PDE1A: variants seen among roughly 807,000 people sequenced by gnomAD.
The protein encoded by PDE1A is phosphodiesterase 1A.
A neutral mutation model predicts 61.7 loss-of-function variants in PDE1A; 35 were observed. The ratio of observed to expected loss-of-function variants is 0.57; its 90% CI spans 0.43 to 0.75. The LOEUF (loss-of-function observed/expected upper bound fraction) is 0.75. Ranked by LOEUF, PDE1A falls within the 30% of genes least tolerant of loss-of-function variation. The pLI, the probability that PDE1A is intolerant of heterozygous loss-of-function variation, is 0.00. For synonymous variants in PDE1A, 232 were observed against 213.2 expected, an observed-to-expected ratio of 1.09 and a Z score of -0.77; for missense variants, 597 against 630.6, an observed-to-expected ratio of 0.95 and a Z score of 0.57.
intron 1 of PDE1A, among the ~76,000 whole-genome samples, chr2:182,335,641 G>A (rs547589869): frequency 2.0e-5 from 3 of 152,214 alleles, no homozygotes; most frequent in South Asian, 2.1e-4. Flanking sequence ...AGACTTAAAC[G>A]TAAGACCTTA....
Position 182,170,694 on chromosome 2 carries a change from CTAAAT to C in PDE1A, c.1517-2409_1517-2405del, listed in dbSNP as rs1692127695. 2.6e-5 allele frequency among the ~76,000 whole-genome samples: 4 copies of C among 152,052 alleles called. No individual in the cohort carries two copies. The South Asian group carries it at 8.3e-4, about 32-fold the overall frequency. On this transcript the variant is annotated intron_variant, in intron 13 of 13. Coordinates refer to ENST00000351439, the Ensembl canonical transcript of PDE1A. The stretch of plus-strand genomic sequence containing the variant: ...ACCTTGGATTTAGATATGATAATAT[CTAAAT>C]TGTAGGGTTATTTGTCTGACTAAAC...
chr2:182,291,935 C>T (rs903929269), intron 1 of PDE1A, among the ~76,000 whole-genome samples: 3 of 151,938 alleles, frequency 2.0e-5, no homozygotes, highest in Non-Finnish European at 4.4e-5. Flanking sequence ...CCCTAAATAT[C>T]GTTTTGCATC....
chr2:182,164,588 G>A (rs1691553518), downstream of PDE1A, among the ~76,000 whole-genome samples: 1 of 152,032 alleles, frequency 6.6e-6, no homozygotes, highest in Non-Finnish European at 1.5e-5. Flanking sequence ...CATTGTCATT[G>A]CCCAGTGAAC....
rs1409987203 is a variant in PDE1A, at chr2:182,434,818, ATCAGAC to A, written c.101+87452_101+87457del. On this transcript the variant is annotated intron_variant, in intron 2 of 14. Transcript: ENST00000410103. ...TATACTAGATTCCCTTGATTTGTGT[ATCAGAC>A]TCAGTTCATTGGCCACAAATTCAAT... 1.2e-4 allele frequency among the ~76,000 whole-genome samples: 19 copies of A among 152,224 alleles called. No homozygotes were observed. The East Asian group carries it at 3.7e-3, about 29-fold the overall frequency.
chr2:182,372,430 TCTTTTAAAAGGCA>T (rs1243028745), intron 1 of PDE1A, among the ~76,000 whole-genome samples: 1 of 152,212 alleles, frequency 6.6e-6, no homozygotes, highest in Non-Finnish European at 1.5e-5. Context: ...TTCAATTTTC[TCTTTTAAAAGGCA>T]TTTTAAAGAA....
intron 1 of PDE1A, among the ~76,000 whole-genome samples, chr2:182,420,890 C>G (rs991917159): frequency 9.2e-5 from 14 of 152,180 alleles, no homozygotes; most frequent in Admixed American, 7.2e-4. Flanking sequence ...TCAATTATAG[C>G]TTGTGTCCAA....
At chr2:182,671,233 G>A in the PDE1A span, among the ~76,000 whole-genome samples, 4 of 151,070 alleles carry the variant, frequency 2.6e-5, no homozygotes, top group African/African-American at 7.3e-5. Flanking sequence ...GTGCAGTGGC[G>A]CGATCTCAGC....
At chr2:182,482,691 C>T (rs1687778463) in intron 2 of PDE1A, among the ~76,000 whole-genome samples, 1 of 151,948 alleles carries the variant, frequency 6.6e-6, no homozygotes, top group African/African-American at 2.4e-5. Flanking sequence ...TCCCCATCCA[C>T]TGCCCTACTG....
At chr2:182,292,828 T>C (rs1694627514) in intron 1 of PDE1A, among the ~76,000 whole-genome samples, 1 of 152,090 alleles carries the variant, frequency 6.6e-6, no homozygotes, top group South Asian at 2.1e-4. Context: ...AATATGCATC[T>C]ATACAAATAT....
intron 7 of PDE1A, among the ~76,000 whole-genome samples, chr2:182,217,166 G>A (rs78231759): frequency 3.3e-5 from 3 of 91,086 alleles, no homozygotes; most frequent in African/African-American, 4.4e-5. Flanking sequence ...AAGCAATGGG[G>A]AAAGGATTCC....
At chr2:182,170,939 G>T (rs1273310577) in intron 13 of PDE1A, among the ~76,000 whole-genome samples, 2 of 151,852 alleles carry the variant, frequency 1.3e-5, no homozygotes, top group African/African-American at 4.8e-5. Flanking sequence ...AAAATACTAT[G>T]TTAATCATAA....
At chr2:182,627,805 G>C in the PDE1A span, among the ~76,000 whole-genome samples, 1 of 151,764 alleles carries the variant, frequency 6.6e-6, no homozygotes, top group Non-Finnish European at 1.5e-5. Flanking sequence ...TTAGCCAGGC[G>C]TGGTGGTGCA....
the PDE1A span, among the ~76,000 whole-genome samples, chr2:182,662,474 C>T: frequency 6.6e-6 from 1 of 152,110 alleles, no homozygotes. Context: ...CAGCACAGTA[C>T]TGGTACAAAA....
chr2:182,690,066 A>T, the PDE1A span, among the ~76,000 whole-genome samples: 1 of 152,262 alleles, frequency 6.6e-6, no homozygotes, highest in East Asian at 1.9e-4. Context: ...AAAGTCCAGG[A>T]CCAGATGGAT....
chr2:182,697,652 T>C, the PDE1A span, among the ~76,000 whole-genome samples: 1 of 152,256 alleles, frequency 6.6e-6, no homozygotes, highest in Non-Finnish European at 1.5e-5. Flanking sequence ...CCTGTGTTTT[T>C]AATTTTTATG....
chr2:182,554,039 TAACTC>T, the PDE1A span, among the ~76,000 whole-genome samples: 20 of 152,144 alleles, frequency 1.3e-4, no homozygotes, highest in African/African-American at 4.3e-4. Context: ...TTTCAGTAGA[TAACTC>T]AACTTTATAG....
intron 7 of PDE1A, among the ~76,000 whole-genome samples, chr2:182,210,864 C>G (rs951413746): frequency 6.6e-6 from 1 of 151,118 alleles, no homozygotes; most frequent in Non-Finnish European, 1.5e-5. Flanking sequence ...GTGTTTTATG[C>G]TGATGTGACA....
chr2:182,422,921 G>A (rs1233479609), intron 1 of PDE1A, among the ~76,000 whole-genome samples: 1 of 152,162 alleles, frequency 6.6e-6, no homozygotes, highest in Non-Finnish European at 1.5e-5. Context: ...ATATAGTTTT[G>A]TGATTGTGTT....
At chr2:182,380,333 C>A (rs552380881) in intron 1 of PDE1A, among the ~76,000 whole-genome samples, 1 of 152,012 alleles carries the variant, frequency 6.6e-6, no homozygotes, top group Non-Finnish European at 1.5e-5. Context: ...AGGATGGTCT[C>A]GATCTCCTGA....
Sources: allele counts gnomAD v4.1 joint callset (sites outside exome capture counted in the v4.1 genomes callset), GRCh38; gene constraint gnomAD v4.1.1; transcripts MANE v1.5; gene names NCBI Gene and HGNC (gene_info 2026-07-23, HGNC 2026-07-21).